The following CNTLN variants were observed in gnomAD, a reference collection of about 807,000 sequenced individuals.
The protein encoded by CNTLN is centlein, centrosomal protein.
A neutral mutation model predicts 180.0 loss-of-function variants in CNTLN; 212 were observed. The ratio of observed to expected loss-of-function variants is 1.18; its 90% confidence interval spans 1.05 to 1.32. The LOEUF (loss-of-function observed/expected upper bound fraction) is 1.32. Among genes scored for constraint, CNTLN ranks in the 40% most tolerant of loss-of-function variants. The probability of loss-of-function intolerance (pLI) is 0.00; values close to 1 mark genes in which losing one functional copy is unlikely to be tolerated. For missense variants in CNTLN, 2,095 were observed against 1,610.9 expected (o/e 1.30, Z -5.14); for synonymous variants, 722 against 563.1 (o/e 1.28, Z -3.99).
chr9:17,294,438 T>A (rs118027529), intron 6 of CNTLN, among the ~76,000 whole-genome samples: 73 of 151,790 alleles, frequency 4.8e-4, no homozygotes, highest in Non-Finnish European at 8.1e-4. Context: ...CCCACTAGAT[T>A]CTTTAGATAC....
intron 8 of CNTLN, among the ~76,000 whole-genome samples, chr9:17,313,294 A>AT (rs1253788879): frequency 6.6e-6 from 1 of 152,174 alleles, no homozygotes; most frequent in African/African-American, 2.4e-5. Flanking sequence ...AATCCATTGA[A>AT]TTGTAACATA....
intron 6 of CNTLN, among the ~76,000 whole-genome samples, chr9:17,280,294 T>G (rs1387733317): frequency 6.6e-6 from 1 of 152,202 alleles, no homozygotes; most frequent in East Asian, 1.9e-4. Flanking sequence ...AGATTGTCCT[T>G]AATTCCCTTT....
intron 12 of CNTLN, among the ~76,000 whole-genome samples, chr9:17,364,666 A>G (rs1284342184): frequency 6.6e-6 from 1 of 152,012 alleles, no homozygotes; most frequent in Non-Finnish European, 1.5e-5. Flanking sequence ...CTTTGAACTT[A>G]TTTATATACT....
chr9:17,139,661 A>G (rs79578644), intron 1 of CNTLN, among the ~76,000 whole-genome samples: 12 of 148,650 alleles, frequency 8.1e-5, no homozygotes, highest in Admixed American at 2.7e-4. Flanking sequence ...CTTTGTCTCA[A>G]AAAAAAAAAA....
rs59168012 is a variant in CNTLN at position 17,237,354 on chromosome 9, TACACACACACAC to T, written c.849+807_849+818del. On this transcript the variant is annotated intron_variant, in intron 5 of 25. Coordinates refer to ENST00000380647, the MANE Select transcript of CNTLN (RefSeq NM_017738.4). ...GGTGGTCTCTCCATGTATATGCCCC[TACACACACACAC>T]ACACACACACACACACACACACACA... 4.9e-3 allele frequency among the ~76,000 whole-genome samples: 527 copies of T among 106,480 alleles called. 1 individual carries two copies. Among genetic ancestry groups the T allele is most frequent in the African/African-American group, 9.5e-3 (270 of 28,506 alleles). 69.9% of individuals were successfully genotyped at this position (106,480 alleles called of 152,430 possible). A position where few individuals can be genotyped will look rare whatever the true frequency, so the allele number is the denominator to read the frequency against.
chr9:17,292,612 G>T (rs1380762109), intron 6 of CNTLN, among the ~76,000 whole-genome samples: 2 of 152,052 alleles, frequency 1.3e-5, no homozygotes, highest in Non-Finnish European at 2.9e-5. Flanking sequence ...ACTTATGGTT[G>T]CATTGTGATG....
chr9:17,239,455 T>C lies in CNTLN; in HGVS notation c.849+2867T>C, dbSNP rs559244184. ...TACTCTTTTGATGGTGTTCTTAAAA[T>C]ACCAGGTTTTAGTTTCGATAATATT... On this transcript the variant is annotated intron_variant, in intron 5 of 25. Transcript: ENST00000380647. Among the ~76,000 whole-genome samples, 121 of 150,958 alleles carry C rather than the reference T, an allele frequency of 8.0e-4. 1 individual carries two copies. Among genetic ancestry groups the C allele is most frequent in the Middle Eastern group, 3.5e-3 (1 of 288 alleles).
intron 2 of CNTLN, among the ~76,000 whole-genome samples, chr9:17,145,087 C>T (rs1586904084): frequency 1.3e-5 from 2 of 149,656 alleles, no homozygotes; most frequent in South Asian, 2.1e-4. Flanking sequence ...ATGATCCACC[C>T]GCCTCGGCCT....
At chr9:17,425,134 A>G (rs1220185277) in intron 18 of CNTLN, among the ~76,000 whole-genome samples, 4 of 152,190 alleles carry the variant, frequency 2.6e-5, no homozygotes, top group Non-Finnish European at 5.9e-5. Context: ...ATTATCTCTC[A>G]ATGTTTGTTT....
At chr9:17,232,673 C>T (rs1308820205) in intron 3 of CNTLN, among the ~76,000 whole-genome samples, 2 of 151,944 alleles carry the variant, frequency 1.3e-5, no homozygotes, top group African/African-American at 2.4e-5. Flanking sequence ...GTGTCAATTT[C>T]ATCTGTAAAC....
At chr9:17,281,811 G>A (rs1165341468) in intron 6 of CNTLN, among the ~76,000 whole-genome samples, 4 of 152,130 alleles carry the variant, frequency 2.6e-5, no homozygotes, top group Non-Finnish European at 5.9e-5. Context: ...ACCCAGTAAT[G>A]GGATTGCTGG....
intron 2 of CNTLN, among the ~76,000 whole-genome samples, chr9:17,207,525 CCG>C (rs975534731): frequency 1.3e-5 from 2 of 152,264 alleles, no homozygotes; most frequent in Admixed American, 1.3e-4. Flanking sequence ...ACTGCAAAAA[CCG>C]TGGGAAAATT....
At chr9:17,257,751 G>T (rs2039703786) in intron 5 of CNTLN, among the ~76,000 whole-genome samples, 1 of 151,240 alleles carries the variant, frequency 6.6e-6, no homozygotes, top group African/African-American at 2.5e-5. Flanking sequence ...TTTTTCATGT[G>T]TTTCTTGGCT....
intron 8 of CNTLN, among the ~76,000 whole-genome samples, chr9:17,310,400 T>G (rs1313433425): frequency 6.6e-6 from 1 of 152,206 alleles, no homozygotes; most frequent in Admixed American, 6.5e-5. Context: ...TTTTTTGATA[T>G]AGGTGTTTGT....
At chr9:17,291,034 C>G (rs1262937720) in intron 6 of CNTLN, among the ~76,000 whole-genome samples, 2 of 152,150 alleles carry the variant, frequency 1.3e-5, no homozygotes, top group African/African-American at 2.4e-5. Context: ...GGCTCCTCCC[C>G]TGATTTCTGC....
chr9:17,173,569 T>G (rs1433608813), intron 2 of CNTLN, among the ~76,000 whole-genome samples: 1 of 152,182 alleles, frequency 6.6e-6, no homozygotes, highest in Non-Finnish European at 1.5e-5. Context: ...ATTAAAAGTT[T>G]TCAACATTCT....
chr9:17,236,650 A>G (rs1587282411), intron 5 of CNTLN, 62 bp downstream of exon 5: 2 of 1,328,654 alleles, frequency 1.5e-6, no homozygotes, highest in East Asian at 4.7e-5. Context: ...AGGAAGTTTA[A>G]TACATGTTAT....
chr9:17,195,341 C>T (rs979143468), intron 2 of CNTLN, among the ~76,000 whole-genome samples: 2 of 152,102 alleles, frequency 1.3e-5, no homozygotes, highest in Admixed American at 6.6e-5. Context: ...TGTAATATTG[C>T]TGGAAATGAA....
chr9:17,185,065 T>C (rs1346296688), intron 2 of CNTLN, among the ~76,000 whole-genome samples: 4 of 152,222 alleles, frequency 2.6e-5, no homozygotes, highest in Non-Finnish European at 4.4e-5. Context: ...GCTCCTTTGT[T>C]AGAGATTCTT....
Sources: gnomAD v4.1 joint callset for allele counts (sites outside exome capture counted in the v4.1 genomes callset) on GRCh38, gnomAD v4.1.1 for gene constraint, MANE v1.5 for transcripts, NCBI Gene and HGNC (gene_info 2026-07-23, HGNC 2026-07-21) for gene names.